The following CACNG4 variants were observed in gnomAD, a reference collection of about 807,000 sequenced individuals.
CACNG4 encodes calcium voltage-gated channel auxiliary subunit gamma 4.
A neutral mutation model predicts 22.9 loss-of-function variants in CACNG4; 8 were observed. That is an observed-to-expected ratio of 0.35 (90% confidence interval 0.21 to 0.63). The LOEUF is 0.63. Among genes scored for constraint, CACNG4 ranks in the 30% least tolerant of loss-of-function variants. The probability of loss-of-function intolerance (pLI) is 0.72; values close to 1 mark genes in which losing one functional copy is unlikely to be tolerated. For synonymous variants in CACNG4, 188 were observed against 191.9 expected (o/e 0.98, Z 0.17); for missense variants, 357 against 455.4 (o/e 0.78, Z 1.97).
chr17:66,991,508 G>A (rs2035340440), intron 1 of CACNG4, among the ~76,000 whole-genome samples: 2 of 152,104 alleles, frequency 1.3e-5, no homozygotes, highest in South Asian at 4.1e-4. Flanking sequence ...TTTGCTCCTG[G>A]GTGGTCACTA....
chr17:67,030,618 G>A lies in CACNG4; in HGVS notation c.598G>A (p.Val200Ile), dbSNP rs761954756. The A allele has an allele frequency of 2.8e-5, 46 of 1,614,212 alleles. 1 individual carries two copies. The highest frequency in any genetic ancestry group is 6.6e-5 in the South Asian group (6 of 91,084). Reference sequence around the variant, plus strand: ...TTTCATTGTGGCTGAGACCGTGGGCGTCCTGGCTGTAAACATTTACATTGA... The same window carrying A: ...TTTCATTGTGGCTGAGACCGTGGGCATCCTGGCTGTAAACATTTACATTGA... ...LSFIVAETVG[V>I]LAVNIYIEKN... The change falls in exon 4 of 4, where the codon GTC becomes ATC. Residue 200 changes from valine (V) to isoleucine (I), a missense_variant. Transcript: ENST00000262138. This position sits in a 1 kb window ranked among gnomAD's most constrained non-coding sequence, Gnocchi z 6.4.
At chr17:67,008,398 G>A (rs891092726) in intron 1 of CACNG4, among the ~76,000 whole-genome samples, 2 of 152,240 alleles carry the variant, frequency 1.3e-5, no homozygotes, top group South Asian at 2.1e-4. Flanking sequence ...TTTGGCACTC[G>A]GTGTGGAAGT....
intron 2 of CACNG4, 91 bp downstream of exon 2, chr17:67,018,363 G>A (rs2035513211): frequency 3.4e-6 from 3 of 890,202 alleles, no homozygotes; most frequent in Non-Finnish European, 3.7e-6. Context: ...TGGGCATGGA[G>A]AGGGTGATTG....
chr17:66,977,744 G>T (rs926537505), intron 1 of CACNG4, among the ~76,000 whole-genome samples: 78 of 152,354 alleles, frequency 5.1e-4, no homozygotes, highest in African/African-American at 1.8e-3. Context: ...GCCAGGGGCT[G>T]CCTTGGAGAG....
intron 1 of CACNG4, among the ~76,000 whole-genome samples, chr17:66,965,785 G>A (rs1057162307): frequency 6.6e-6 from 1 of 152,080 alleles, no homozygotes; most frequent in African/African-American, 2.4e-5. Flanking sequence ...AGGGTAGCTG[G>A]GTAGGCCCAG....
intron 1 of CACNG4, among the ~76,000 whole-genome samples, chr17:66,969,314 AG>A (rs2035190166): frequency 6.6e-6 from 1 of 152,214 alleles, no homozygotes; most frequent in South Asian, 2.1e-4. Flanking sequence ...CTCCACCCAA[AG>A]AGAAGGGTCC....
chr17:67,003,570 A>T (rs2035420716), intron 1 of CACNG4, among the ~76,000 whole-genome samples: 1 of 152,062 alleles, frequency 6.6e-6, no homozygotes, highest in Non-Finnish European at 1.5e-5. Context: ...TGACATTTGG[A>T]GCTAAATCAT....
intron 3 of CACNG4, among the ~76,000 whole-genome samples, chr17:67,026,760 A>G (rs1488993995): frequency 1.3e-5 from 2 of 148,746 alleles, no homozygotes; most frequent in East Asian, 2.0e-4. Flanking sequence ...TGTGAGGACT[A>G]TGGTGTGTGT....
rs1446600496 is a variant in CACNG4 at position 67,031,951 on chromosome 17, G to C, written c.*947G>C. 4.4e-6 allele frequency: 2 copies of C among 456,744 alleles called. No individual in the cohort carries two copies. Among genetic ancestry groups the C allele is most frequent in the East Asian group, 6.9e-5 (1 of 14,398 alleles). The allele number at this position is 456,744 out of a possible 1,614,324, so 28.3% of individuals were successfully genotyped here. ...GGAGCCTGGACTTCTGTGCAAGAAAGGGAGACCTAAGGGTGAACAGTGGCC... is the reference window on the plus strand; with the variant it reads ...GGAGCCTGGACTTCTGTGCAAGAAACGGAGACCTAAGGGTGAACAGTGGCC... On this transcript the variant is annotated 3_prime_UTR_variant, in exon 4 of 4. Transcript: ENST00000262138. The surrounding 1 kb of genome is among the most constrained non-coding windows in gnomAD (Gnocchi z 4.0).
At chr17:67,028,765 ACTG>A (rs2035584081) in intron 3 of CACNG4, among the ~76,000 whole-genome samples, 1 of 152,220 alleles carries the variant, frequency 6.6e-6, no homozygotes, top group South Asian at 2.1e-4. Flanking sequence ...AAAGTCACAC[ACTG>A]GTATTTGGTA....
At chr17:66,996,679 C>G (rs1322706027) in intron 1 of CACNG4, among the ~76,000 whole-genome samples, 1 of 152,134 alleles carries the variant, frequency 6.6e-6, no homozygotes, top group Non-Finnish European at 1.5e-5. Flanking sequence ...GCGTGCCCAG[C>G]CCATTAGTGC....
At chr17:67,012,933 A>T (rs886533704) in intron 1 of CACNG4, among the ~76,000 whole-genome samples, 1 of 152,240 alleles carries the variant, frequency 6.6e-6, no homozygotes. Flanking sequence ...AATGCATTGC[A>T]AATGACAAAG....
chr17:67,014,579 G>T (rs939760250), intron 1 of CACNG4, among the ~76,000 whole-genome samples: 5 of 152,140 alleles, frequency 3.3e-5, no homozygotes, highest in African/African-American at 1.2e-4. Context: ...TGTGCCTCCA[G>T]GCACCAAGAG....
chr17:67,025,539 A>C (rs1041292598), intron 3 of CACNG4, among the ~76,000 whole-genome samples: 18 of 152,352 alleles, frequency 1.2e-4, no homozygotes, highest in African/African-American at 4.3e-4. Context: ...CCCTGGGAAG[A>C]GTGAGCGGGG....
At chr17:66,966,786 C>T (rs1239544409) in intron 1 of CACNG4, among the ~76,000 whole-genome samples, 1 of 152,186 alleles carries the variant, frequency 6.6e-6, no homozygotes, top group Non-Finnish European at 1.5e-5. Flanking sequence ...CACAGCCACA[C>T]AAAAGAGCCA....
intron 1 of CACNG4, among the ~76,000 whole-genome samples, chr17:66,992,734 C>T (rs1159934150): frequency 6.6e-6 from 1 of 152,242 alleles, no homozygotes; most frequent in African/African-American, 2.4e-5. Flanking sequence ...GGGCCGAGGG[C>T]CTTGGCTGGA....
At chr17:67,020,828 T>C (rs1366091052) in intron 2 of CACNG4, among the ~76,000 whole-genome samples, 1 of 152,200 alleles carries the variant, frequency 6.6e-6, no homozygotes, top group Non-Finnish European at 1.5e-5. Flanking sequence ...TCAAAATATG[T>C]AGAAGCACAG....
intron 1 of CACNG4, among the ~76,000 whole-genome samples, chr17:66,979,909 C>T (rs1173589941): frequency 6.6e-6 from 1 of 150,882 alleles, no homozygotes; most frequent in African/African-American, 2.5e-5. Flanking sequence ...GCATGTGCCA[C>T]CATGCCCAGC....
In CACNG4 at chr17:66,985,534, G is replaced by A. The variant is rs563616810; in HGVS notation, c.220+20403G>A. ...GCCTCTATCAGCCTGGGAAAGTCCC[G>A]GGGGGCTTCCCAGAGGAGGCAACAT... On this transcript the variant is annotated intron_variant, in intron 1 of 3. Coordinates refer to ENST00000262138, the MANE Select transcript of CACNG4 (RefSeq NM_014405.4). Among the ~76,000 whole-genome samples the A allele has an allele frequency of 2.6e-5, 4 of 152,278 alleles. No individual in the cohort carries two copies. In the East Asian group the frequency reaches 5.8e-4, roughly 22 times the overall value.
Sources: allele counts gnomAD v4.1 joint callset (sites outside exome capture counted in the v4.1 genomes callset), GRCh38; gene constraint gnomAD v4.1.1; non-coding constraint Gnocchi (gnomAD v3.1); transcripts MANE v1.5; gene names NCBI Gene and HGNC (gene_info 2026-07-23, HGNC 2026-07-21).